The following TG variants were observed in gnomAD, a reference collection of about 807,000 sequenced individuals.
TG encodes the protein thyroid hormones.
Under a neutral mutation model 324.7 loss-of-function variants are expected in TG, and 270 were observed. That is an observed-to-expected ratio of 0.83 (90% confidence interval 0.75 to 0.92). TG has a LOEUF of 0.92. Among genes scored for constraint, TG ranks in the 40% least tolerant of loss-of-function variants. The pLI is 0.00. For missense variants in TG, 3,591 were observed against 3,456.4 expected (o/e 1.04, Z -0.98); for synonymous variants, 1,401 against 1,327.0 (o/e 1.06, Z -1.21).
chr8:132,878,618 A>C (rs1421747531), intron 5 of TG, among the ~76,000 whole-genome samples: 2 of 151,250 alleles, frequency 1.3e-5, no homozygotes, highest in African/African-American at 4.9e-5. Context: ...CAAAAAAAAA[A>C]AACAAAAAAA....
At chr8:132,988,087 CA>C (rs1831812883) in intron 35 of TG, among the ~76,000 whole-genome samples, 3 of 151,594 alleles carry the variant, frequency 2.0e-5, no homozygotes, top group Non-Finnish European at 4.4e-5. Flanking sequence ...CACACACACA[CA>C]CACACACACA....
At chr8:133,095,243 CTCTGG>C (rs1483288913) in intron 42 of TG, 35 bp downstream of exon 42, 9 of 1,613,942 alleles carry the variant, frequency 5.6e-6, no homozygotes, top group Non-Finnish European at 7.6e-6. Flanking sequence ...AAGGGACATT[CTCTGG>C]TCTTTTACAA....
At chr8:132,930,265 T>C (rs936005071) in intron 23 of TG, among the ~76,000 whole-genome samples, 1 of 152,118 alleles carries the variant, frequency 6.6e-6, no homozygotes, top group Non-Finnish European at 1.5e-5. Context: ...AGTGGTCAAA[T>C]GAGTAGATGT....
chr8:133,118,533 C>T (rs1442762416), intron 45 of TG, among the ~76,000 whole-genome samples: 1 of 152,092 alleles, frequency 6.6e-6, no homozygotes, highest in Non-Finnish European at 1.5e-5. Flanking sequence ...CCATGTTGGC[C>T]AGGCTGGTCT....
chr8:133,117,463 T>G (rs1480539976), intron 45 of TG, among the ~76,000 whole-genome samples: 2 of 152,170 alleles, frequency 1.3e-5, no homozygotes, highest in Non-Finnish European at 2.9e-5. Context: ...TGGAGGACTA[T>G]GGGGCTATCT....
chr8:133,119,226 C>A (rs542728903), intron 45 of TG, among the ~76,000 whole-genome samples: 1 of 152,166 alleles, frequency 6.6e-6, no homozygotes, highest in African/African-American at 2.4e-5. Flanking sequence ...CTCATTTCCC[C>A]GGAGCACCCA....
rs35161639 is a variant in TG at position 132,988,064 on chromosome 8, GCACACACACA to G, written c.6262+4682_6262+4691del. ...GAATGGGCAGCTTGTACATACACATGCACACACACACACACACACACACACACACACACAC... is the reference window on the plus strand; with the variant it reads ...GAATGGGCAGCTTGTACATACACATGCACACACACACACACACACACACAC... On this transcript the variant is annotated intron_variant, in intron 35 of 47. Coordinates refer to ENST00000220616, the MANE Select transcript of TG (RefSeq NM_003235.5). 6.2e-4 allele frequency among the ~76,000 whole-genome samples: 83 copies of G among 134,652 alleles called. 1 individual carries two copies. The highest frequency in any genetic ancestry group is 2.0e-3 in the African/African-American group (72 of 36,302). The allele number at this position is 134,652 out of a possible 152,430, so 88.3% of individuals were successfully genotyped here.
intron 29 of TG, among the ~76,000 whole-genome samples, chr8:132,965,477 G>A (rs932446458): frequency 6.6e-6 from 1 of 152,208 alleles, no homozygotes; most frequent in Non-Finnish European, 1.5e-5. Context: ...ATGGGATGTA[G>A]TGCCCCTTAT....
intron 41 of TG, chr8:133,040,336 C>CCGAGA: frequency 3.5e-6 from 2 of 579,346 alleles, no homozygotes; most frequent in African/African-American, 1.9e-5. Context: ...CCCTGGTATA[C>CCGAGA]TCTGCACTTA....
At chr8:133,010,741 A>G (rs575986883) in intron 35 of TG, among the ~76,000 whole-genome samples, 20 of 152,290 alleles carry the variant, frequency 1.3e-4, no homozygotes. Context: ...GTCTGGCTCT[A>G]GGCACGGCCC....
intron 35 of TG, among the ~76,000 whole-genome samples, chr8:132,998,647 A>C (rs1833128600): frequency 6.6e-6 from 1 of 152,256 alleles, no homozygotes; most frequent in African/African-American, 2.4e-5. Context: ...CGTAGAAATC[A>C]CAGTGAAATT....
chr8:132,968,078 A>C, intron 31 of TG, 108 bp downstream of exon 31: 1 of 1,345,002 alleles, frequency 7.4e-7, no homozygotes, highest in Non-Finnish European at 1.0e-6. Flanking sequence ...TTTTCTTTAT[A>C]CTTTTATTGG....
chr8:133,008,034 T>A (rs915642413), intron 35 of TG, among the ~76,000 whole-genome samples: 1 of 152,214 alleles, frequency 6.6e-6, no homozygotes, highest in Non-Finnish European at 1.5e-5. Flanking sequence ...CTTTTCTCTA[T>A]GTCAACAATA....
chr8:133,011,814 C>G (rs1169164952), intron 35 of TG, 87 bp from the exon 36 acceptor site: 2 of 1,586,204 alleles, frequency 1.3e-6, no homozygotes, highest in Admixed American at 3.3e-5. Flanking sequence ...CCTAAGGCTG[C>G]CTTTGGGGAT....
rs2130088722 is a variant in TG at position 132,948,914 on chromosome 8, T to C, written c.5372T>C (p.Leu1791Ser). The C allele has an allele frequency of 1.2e-6, 2 of 1,613,980 alleles. No homozygotes were observed. The highest frequency in any genetic ancestry group is 2.2e-5 in the South Asian group (2 of 91,086). The change falls in exon 27 of 48, where the codon TTG becomes TCG. Residue 1791 changes from leucine to serine, a missense_variant. Coordinates refer to ENST00000220616, the MANE Select transcript of TG (RefSeq NM_003235.5). ...TYDQESHQVI[L>S]RLGDQEFIKS... ...GACCAGGAGAGCCACCAGGTGATAT[T>C]GCGTCTTGGAGACCAGGAGTTCATC...
intron 41 of TG, among the ~76,000 whole-genome samples, chr8:133,062,666 C>T (rs569554127): frequency 2.0e-5 from 3 of 150,516 alleles, no homozygotes; most frequent in Admixed American, 1.3e-4. Context: ...ATGCAGAGGC[C>T]GCTCTGCACA....
chr8:133,116,188 T>TA (rs1014127517), intron 44 of TG, among the ~76,000 whole-genome samples: 8 of 152,364 alleles, frequency 5.3e-5, no homozygotes, highest in African/African-American at 1.9e-4. Flanking sequence ...TGACGTCTTC[T>TA]AAAATGCACA....
chr8:133,035,221 G>A (rs1249462694), intron 41 of TG, among the ~76,000 whole-genome samples: 3 of 152,098 alleles, frequency 2.0e-5, no homozygotes, highest in Non-Finnish European at 4.4e-5. Flanking sequence ...TTGAAAAGTA[G>A]CAATATGTCA....
At chr8:132,988,112 G>A (rs944690241) in intron 35 of TG, among the ~76,000 whole-genome samples, 10 of 147,290 alleles carry the variant, frequency 6.8e-5, no homozygotes, top group Non-Finnish European at 1.3e-4. Flanking sequence ...ACGAAATGAA[G>A]CTAAGCAATT....
Sources: allele counts gnomAD v4.1 joint callset (sites outside exome capture counted in the v4.1 genomes callset), GRCh38; gene constraint gnomAD v4.1.1; transcripts MANE v1.5; gene names NCBI Gene and HGNC (gene_info 2026-07-23, HGNC 2026-07-21).